NBEA: variants seen among roughly 807,000 people sequenced by gnomAD.
NBEA encodes the protein neurobeachin.
Under a neutral mutation model 343.4 loss-of-function variants are expected in NBEA, and 44 were observed. The observed-to-expected ratio is 0.13, with a 90% confidence interval of 0.10 to 0.16. NBEA has a LOEUF of 0.16. Ranked by LOEUF, NBEA falls within the 10% of genes least tolerant of loss-of-function variation. The pLI is 1.00. For synonymous variants in NBEA, 1,175 were observed against 1,238.7 expected (o/e 0.95, Z 1.08); for missense variants, 2,555 against 3,631.3 (o/e 0.70, Z 7.62).
chr13:35,317,304 T>G (rs948299623), intron 36 of NBEA, among the ~76,000 whole-genome samples: 4 of 152,194 alleles, frequency 2.6e-5, no homozygotes, highest in Non-Finnish European at 5.9e-5. Flanking sequence ...AGGGGTCCAG[T>G]TATAGTTTTC....
chr13:35,026,122 G>A (rs2062012734), intron 1 of NBEA, among the ~76,000 whole-genome samples: 1 of 152,076 alleles, frequency 6.6e-6, no homozygotes, highest in Admixed American at 6.6e-5. Context: ...TAGTGAGTGA[G>A]TCTTATGAGA....
chr13:35,277,448 C>A (rs1198918018), intron 34 of NBEA, among the ~76,000 whole-genome samples: 9 of 151,532 alleles, frequency 5.9e-5, no homozygotes, highest in Admixed American at 6.6e-5. Context: ...ATGGAGAAAC[C>A]CTGTCTCTAC....
intron 27 of NBEA, among the ~76,000 whole-genome samples, chr13:35,175,858 A>G (rs2070859235): frequency 6.6e-6 from 1 of 152,060 alleles, no homozygotes; most frequent in Non-Finnish European, 1.5e-5. Flanking sequence ...CCTCATTTTT[A>G]TACTGTGTGA....
intron 35 of NBEA, among the ~76,000 whole-genome samples, chr13:35,307,687 C>CA: frequency 6.6e-6 from 1 of 152,000 alleles, no homozygotes; most frequent in African/African-American, 2.4e-5. Flanking sequence ...ATCTAGTCTT[C>CA]ATAGTGGCAT....
intron 38 of NBEA, among the ~76,000 whole-genome samples, chr13:35,407,826 G>A (rs1212425833): frequency 6.6e-6 from 1 of 152,004 alleles, no homozygotes; most frequent in African/African-American, 2.4e-5. Flanking sequence ...ATCTCTATGA[G>A]GAGACCTACA....
chr13:35,237,722 C>T (rs1008593785), intron 34 of NBEA, among the ~76,000 whole-genome samples: 1 of 152,068 alleles, frequency 6.6e-6, no homozygotes, highest in Non-Finnish European at 1.5e-5. Flanking sequence ...AAAGAAAAAG[C>T]AATTACTCTT....
chr13:35,640,251 A>T (rs2083882187), intron 49 of NBEA, among the ~76,000 whole-genome samples: 1 of 152,246 alleles, frequency 6.6e-6, no homozygotes. Context: ...TAGAGGAGGT[A>T]GAACTTCCTT....
intron 55 of NBEA, among the ~76,000 whole-genome samples, chr13:35,658,156 T>C (rs1217992834): frequency 6.6e-6 from 1 of 152,144 alleles, no homozygotes; most frequent in Non-Finnish European, 1.5e-5. Flanking sequence ...ATGGATATTA[T>C]ATTTGTTAAA....
chr13:35,239,428 G>A (rs1310999906), intron 34 of NBEA, among the ~76,000 whole-genome samples: 1 of 151,984 alleles, frequency 6.6e-6, no homozygotes, highest in Non-Finnish European at 1.5e-5. Flanking sequence ...GAAAAATGGG[G>A]CAGTAATTAT....
chr13:35,352,403 TAA>T (rs750590108), intron 38 of NBEA, 80 bp downstream of exon 38: 1 of 726,734 alleles, frequency 1.4e-6, no homozygotes, highest in South Asian at 6.1e-5. Flanking sequence ...GCTACAAATT[TAA>T]AAGTCATTTA....
At chr13:35,601,133 C>T (rs1270615009) in intron 47 of NBEA, among the ~76,000 whole-genome samples, 1 of 151,166 alleles carries the variant, frequency 6.6e-6, no homozygotes, top group East Asian at 1.9e-4. Flanking sequence ...GCCGAGATGG[C>T]ACCATTGCAC....
At chr13:35,189,429 T>C (rs2072004613) in intron 30 of NBEA, among the ~76,000 whole-genome samples, 1 of 152,136 alleles carries the variant, frequency 6.6e-6, no homozygotes. Flanking sequence ...ATATTTTGGA[T>C]ATTAAACCTT....
At chr13:35,650,681 G>A (rs1460758807) in intron 52 of NBEA, among the ~76,000 whole-genome samples, 4 of 152,148 alleles carry the variant, frequency 2.6e-5, no homozygotes, top group African/African-American at 2.4e-5. Context: ...CAGCCTGGAC[G>A]ACAAAGTGAG....
intron 41 of NBEA, among the ~76,000 whole-genome samples, chr13:35,502,859 TA>T (rs1055869431): frequency 7.2e-5 from 11 of 152,284 alleles, no homozygotes; most frequent in African/African-American, 2.4e-4. Context: ...CCAAAGGAGC[TA>T]TAAATGGAAA....
At chr13:35,270,195 C>T (rs1397677495) in intron 34 of NBEA, among the ~76,000 whole-genome samples, 11 of 152,088 alleles carry the variant, frequency 7.2e-5, no homozygotes, top group Admixed American at 7.2e-4. Context: ...CAGTTAAATT[C>T]TACCAATAAA....
intron 33 of NBEA, among the ~76,000 whole-genome samples, chr13:35,227,789 A>G (rs916384955): frequency 2.0e-5 from 3 of 152,058 alleles, no homozygotes; most frequent in East Asian, 3.8e-4. Context: ...GAAGTAGCAC[A>G]AACATAAGGG....
intron 33 of NBEA, among the ~76,000 whole-genome samples, chr13:35,225,813 T>C (rs570294871): frequency 6.6e-6 from 1 of 152,106 alleles, no homozygotes; most frequent in East Asian, 1.9e-4. Flanking sequence ...TTTCAAGCTG[T>C]TTGGTTACCT....
At chr13:35,640,632 C>T (rs181834756) in intron 49 of NBEA, among the ~76,000 whole-genome samples, 1 of 152,242 alleles carries the variant, frequency 6.6e-6, no homozygotes. Context: ...AAAGGAGAGC[C>T]TCATCAGACT....
chr13:35,201,036 T>TATCA (rs1269561929), intron 31 of NBEA, among the ~76,000 whole-genome samples: 2 of 152,162 alleles, frequency 1.3e-5, no homozygotes, highest in Admixed American at 1.3e-4. Context: ...ATTTTGACCC[T>TATCA]ATCACTTAAA....
Sources: allele counts gnomAD v4.1 joint callset (sites outside exome capture counted in the v4.1 genomes callset), GRCh38; gene constraint gnomAD v4.1.1; transcripts MANE v1.5; gene names NCBI Gene and HGNC (gene_info 2026-07-23, HGNC 2026-07-21).